The following PKD1L1 variants were observed in gnomAD, a reference collection of about 807,000 sequenced individuals.
PKD1L1 encodes polycystin 1 like 1, transient receptor potential channel interacting.
Under a neutral mutation model 323.4 loss-of-function variants are expected in PKD1L1, and 236 were observed. The ratio of observed to expected loss-of-function variants is 0.73; its 90% CI spans 0.66 to 0.81. The LOEUF (loss-of-function observed/expected upper bound fraction) is 0.81, where lower values mean the gene tolerates loss of function less well. Among genes scored for constraint, PKD1L1 ranks in the 40% least tolerant of loss-of-function variants. The probability of loss-of-function intolerance (pLI) is 0.00; values close to 1 mark genes in which losing one functional copy is unlikely to be tolerated. For missense variants in PKD1L1, 3,320 were observed against 3,508.0 expected, an observed-to-expected ratio of 0.95 and a Z score of 1.35; for synonymous variants, 1,344 against 1,335.0, an observed-to-expected ratio of 1.01 and a Z score of -0.15.
chr7:47,823,133 C>T lies in PKD1L1; in HGVS notation c.6855-1947G>A, dbSNP rs1785179884. Among the ~76,000 whole-genome samples, 10 of 152,152 alleles carry T rather than the reference C, an allele frequency of 6.6e-5. No homozygotes were observed. In the South Asian group the frequency reaches 2.1e-3, roughly 32 times the overall value. On this transcript the variant is annotated intron_variant, in intron 45 of 56. Coordinates refer to ENST00000289672, the MANE Select transcript of PKD1L1 (RefSeq NM_138295.5). ...GGTGTGATCGGAGAGGACATTTTTG[C>T]CTTGTTTGATATCTTAAAAAACATT...
At chr7:47,776,345 A>C (rs977976417) in intron 56 of PKD1L1, among the ~76,000 whole-genome samples, 1 of 152,230 alleles carries the variant, frequency 6.6e-6, no homozygotes, top group Non-Finnish European at 1.5e-5. Flanking sequence ...CCTGATACTA[A>C]TATGAGATAA....
chr7:47,853,078 T>C, intron 31 of PKD1L1, 49 bp downstream of exon 31: 1 of 1,293,554 alleles, frequency 7.7e-7, no homozygotes, highest in African/African-American at 1.5e-5. Flanking sequence ...ATAGGGGATG[T>C]TTTAATCATG....
chr7:47,894,242 G>A (rs957203866), intron 14 of PKD1L1, among the ~76,000 whole-genome samples, 183 bp from the exon 15 acceptor site: 5 of 152,188 alleles, frequency 3.3e-5, no homozygotes, highest in Non-Finnish European at 7.3e-5. Context: ...GCTGTGACTG[G>A]AGTCCACGAG....
intron 56 of PKD1L1, among the ~76,000 whole-genome samples, chr7:47,780,714 G>A (rs1177197646): frequency 6.6e-6 from 1 of 152,076 alleles, no homozygotes; most frequent in Non-Finnish European, 1.5e-5. Flanking sequence ...TAATTCTCTG[G>A]AGATTCACCC....
In PKD1L1 at chr7:47,937,468, G is replaced by A. The variant is rs182262882; in HGVS notation, c.286-510C>T. 4.7e-3 allele frequency among the ~76,000 whole-genome samples: 717 copies of A among 152,236 alleles called. 1 individual carries two copies. The highest frequency in any genetic ancestry group is 8.0e-3 in the Non-Finnish European group (543 of 68,010). On this transcript the variant is annotated intron_variant, in intron 3 of 56. Coordinates refer to ENST00000289672, the MANE Select transcript of PKD1L1 (RefSeq NM_138295.5). ...GCACAGGAGGTGACCTCAGAGTTAC[G>A]GGAGGCCAAGTGGGGTCAGACTCAG... is the stretch of plus-strand genomic sequence containing the variant.
At chr7:47,785,848 TCTC>T (rs1786794379) in intron 56 of PKD1L1, among the ~76,000 whole-genome samples, 1 of 151,650 alleles carries the variant, frequency 6.6e-6, no homozygotes, top group East Asian at 1.9e-4. Context: ...TTCAAGCAAT[TCTC>T]CTGCCTCAGC....
rs1230973431 is a variant in PKD1L1, at chr7:47,826,570, T to TA, written c.6854+779dup. Among the ~76,000 whole-genome samples the TA allele has an allele frequency of 6.6e-5, 10 of 152,314 alleles. No homozygotes were observed. The South Asian group carries it at 1.2e-3, about 19-fold the overall frequency. On this transcript the variant is annotated intron_variant, in intron 45 of 56. Transcript: ENST00000289672. ...AGTGCTTCTGTGACATGCTATTTTT[T>TA]AAAAAACTATCAGAAATTCCCAAGT...
Position 47,885,991 on chromosome 7 carries a change from G to T in PKD1L1, c.2900C>A (p.Ser967Ter), listed in dbSNP as rs947479449. 2.5e-6 allele frequency: 4 copies of T among 1,614,204 alleles called. No homozygotes were observed. Among genetic ancestry groups the T allele is most frequent in the Non-Finnish European group, 3.4e-6 (4 of 1,180,042 alleles). The change falls in exon 18 of 57, where the codon TCA (serine) becomes TAA (stop). Residue 967 changes from serine (S) to a stop codon, truncating the protein, a stop_gained. Coordinates refer to ENST00000289672, the MANE Select transcript of PKD1L1 (RefSeq NM_138295.5). LOFTEE classifies it high-confidence loss of function. ...CTCAGTGGGCAGCAGGTTTAACTGT[G>T]ATGACTCTGAAATGGCACCGAGTCC... ...SLGLGAISES[S>*]QLNLLPTEPG...
intron 41 of PKD1L1, 44 bp downstream of exon 41, chr7:47,833,046 G>T (rs752402048): frequency 1.3e-6 from 2 of 1,577,526 alleles, no homozygotes; most frequent in East Asian, 4.5e-5. Context: ...CTGCAGGTCT[G>T]CTGGACTGGC....
intron 46 of PKD1L1, among the ~76,000 whole-genome samples, chr7:47,817,692 A>C (rs1785049255): frequency 6.6e-6 from 1 of 152,144 alleles, no homozygotes; most frequent in Admixed American, 6.5e-5. Flanking sequence ...AATATGGCTA[A>C]ACCCCCGTCT....
chr7:47,918,065 C>CCAA (rs1328332326), intron 7 of PKD1L1, among the ~76,000 whole-genome samples: 1 of 152,100 alleles, frequency 6.6e-6, no homozygotes, highest in African/African-American at 2.4e-5. Context: ...AATTCACCAA[C>CCAA]CAACGATCTG....
chr7:47,867,014 A>G (rs947071942), intron 24 of PKD1L1, among the ~76,000 whole-genome samples: 9 of 152,228 alleles, frequency 5.9e-5, no homozygotes, highest in African/African-American at 1.9e-4. Context: ...TGCACTGGAA[A>G]AGATAACACA....
Position 47,797,011 on chromosome 7 carries a change from A to AC in PKD1L1, c.8194-862_8194-861insG, listed in dbSNP as rs72565161. On this transcript the variant is annotated intron_variant, in intron 54 of 56. Transcript: ENST00000289672. ...CAAGACTCCGTCTCAAAAAAAAAAA[A>AC]AAAAACACCCAAACAAACATTTTAG... Among the ~76,000 whole-genome samples the AC allele has an allele frequency of 2.0e-5, 3 of 151,122 alleles. No individual in the cohort carries two copies. In the East Asian group the frequency reaches 6.0e-4, roughly 30 times the overall value.
intron 47 of PKD1L1, 152 bp from the exon 48 acceptor site, chr7:47,814,166 T>A: frequency 1.7e-6 from 1 of 595,626 alleles, no homozygotes. Flanking sequence ...ATTTTAGGGA[T>A]ACAACCAACA....
chr7:47,958,533 G>T, the PKD1L1 span, among the ~76,000 whole-genome samples: 1 of 152,146 alleles, frequency 6.6e-6, no homozygotes, highest in Non-Finnish European at 1.5e-5. Flanking sequence ...ATATGGGCAA[G>T]AAGTTTATGA....
At chr7:47,844,925 T>C (rs1384471282) in intron 33 of PKD1L1, 70 bp downstream of exon 33, 2 of 1,313,936 alleles carry the variant, frequency 1.5e-6, no homozygotes, top group Admixed American at 4.3e-5. Context: ...CGGAATTATA[T>C]GTGGGCATCC....
chr7:47,943,433 C>T lies in PKD1L1; in HGVS notation c.123G>A (p.Leu41=). 1.2e-6 allele frequency: 2 copies of T among 1,613,616 alleles called. No homozygotes were observed. Among genetic ancestry groups the T allele is most frequent in the East Asian group, 2.2e-5 (1 of 44,858 alleles). The change falls in exon 2 of 57, where the codon CTG becomes CTA. Residue 41 remains leucine (L), a synonymous_variant. Coordinates refer to ENST00000289672, the MANE Select transcript of PKD1L1 (RefSeq NM_138295.5). The stretch of plus-strand genomic sequence containing the variant: ...CACCTCCAGGAGGGCTACAGCTGCA[C>T]AGATGAAGACCCCAGCTCTTGTCAG... The part of the protein sequence containing the change: ...VSTDKSWGLH[L]CSCSPPGGGL...
At chr7:47,943,550 G>A in intron 1 of PKD1L1, 39 bp from the exon 2 acceptor site, 1 of 1,505,870 alleles carries the variant, frequency 6.6e-7, no homozygotes, top group Non-Finnish European at 9.2e-7. Context: ...ATTAAATTAA[G>A]TACAATCGTT....
rs200164182 is a variant in PKD1L1 at position 47,902,371 on chromosome 7, G to T, written c.2064+8C>A. The T allele has an allele frequency of 1.2e-6, 2 of 1,613,336 alleles. No homozygotes were observed. Among genetic ancestry groups the T allele is most frequent in the African/African-American group, 2.7e-5 (2 of 74,890 alleles). On this transcript the variant is annotated splice_region_variant and intron_variant, in intron 13 of 56. Coordinates refer to ENST00000289672, the MANE Select transcript of PKD1L1 (RefSeq NM_138295.5). ...GCTGGTGGAGGATTTCCCAGACTCC[G>T]AGCCTACCTGGACTTTCCCAGGCCC...
Sources: allele counts gnomAD v4.1 joint callset (sites outside exome capture counted in the v4.1 genomes callset), GRCh38; gene constraint gnomAD v4.1.1; transcripts MANE v1.5; gene names NCBI Gene and HGNC (gene_info 2026-07-23, HGNC 2026-07-21).